Variants in COPB1 observed in about 807,000 individuals in gnomAD.
COPB1 encodes the protein coatomer subunit beta.
COPB1 carries 21 observed loss-of-function variants against 108.7 expected under a neutral mutation model. The observed-to-expected ratio is 0.19, with a 90% CI of 0.14 to 0.28. COPB1 has a LOEUF of 0.28. Among genes scored for constraint, COPB1 ranks in the 10% least tolerant of loss-of-function variants. The probability of loss-of-function intolerance (pLI) is 1.00; values close to 1 mark genes in which losing one functional copy is unlikely to be tolerated. For missense variants in COPB1, 919 were observed against 1,141.3 expected (o/e 0.81, Z 2.81); for synonymous variants, 378 against 386.8 (o/e 0.98, Z 0.27).
chr11:14,461,270 G>T lies in COPB1; in HGVS notation c.2472C>A (p.Ile824=). Residue 824 remains isoleucine, a synonymous_variant, in exon 19 of 22, where the codon ATC becomes ATA. Transcript: ENST00000439561. ...RNCVVLSDIH[I]DIMDYIQPAT... ...CAGGCTGGATATAGTCCATGATGTC[G>T]ATGTGAATATCACTGAGAACCACAC... The T allele has an allele frequency of 6.2e-7, 1 of 1,614,130 alleles. No individual in the cohort carries two copies.
At chr11:14,481,791 CTCTTT>C (rs1432381320) in intron 8 of COPB1, among the ~76,000 whole-genome samples, 2 of 152,042 alleles carry the variant, frequency 1.3e-5, no homozygotes, top group East Asian at 1.9e-4. Flanking sequence ...CCCACATTTG[CTCTTT>C]TCTTTTTTTT....
Position 14,469,673 on chromosome 11 carries a change from T to C in COPB1, c.1738-110A>G, listed in dbSNP as rs1263341211. The C allele has an allele frequency of 7.4e-6, 7 of 941,978 alleles. No homozygotes were observed. In the East Asian group the frequency reaches 1.6e-4, roughly 21 times the overall value. 58.4% of individuals were successfully genotyped at this position (941,978 alleles called of 1,614,324 possible). On this transcript the variant is annotated intron_variant, in intron 14 of 21. Coordinates refer to ENST00000439561, the MANE Select transcript of COPB1 (RefSeq NM_001144061.2). ...ATTTTCACTTCACCTGAATAAGATT[T>C]CAAATTCTTTGGATTTTATGTCCAT...
At chr11:14,489,906 TG>T (rs1850857810) in intron 5 of COPB1, among the ~76,000 whole-genome samples, 1 of 152,192 alleles carries the variant, frequency 6.6e-6, no homozygotes, top group Non-Finnish European at 1.5e-5. Flanking sequence ...TTTAAATAAC[TG>T]GGGGACAATC....
chr11:14,461,560 G>A (rs967524622), intron 18 of COPB1, among the ~76,000 whole-genome samples: 13 of 152,168 alleles, frequency 8.5e-5, no homozygotes, highest in African/African-American at 3.1e-4. Flanking sequence ...GGAAATGAAA[G>A]CAGAGAAGTT....
intron 19 of COPB1, among the ~76,000 whole-genome samples, chr11:14,460,835 C>T (rs1246854007): frequency 6.6e-6 from 1 of 152,052 alleles, no homozygotes; most frequent in African/African-American, 2.4e-5. Context: ...AAAGTCAAGG[C>T]TCAAAGGGAC....
intron 16 of COPB1, 145 bp from the exon 17 acceptor site, chr11:14,466,571 T>G: frequency 4.0e-6 from 3 of 744,524 alleles, no homozygotes. Context: ...TGTTTTATAA[T>G]GCAGAAATGG....
chr11:14,492,568 C>T (rs188764409), intron 4 of COPB1, among the ~76,000 whole-genome samples: 257 of 151,962 alleles, frequency 1.7e-3, no homozygotes, highest in Middle Eastern at 0.01. Context: ...GTCTCGAACT[C>T]CCGACCTCAG....
At chr11:14,481,356 T>C (rs1381621693) in intron 8 of COPB1, among the ~76,000 whole-genome samples, 2 of 152,184 alleles carry the variant, frequency 1.3e-5, no homozygotes, top group African/African-American at 2.4e-5. Flanking sequence ...TTACAGTTTA[T>C]AGAAAGTAAC....
chr11:14,470,899 TACAC>T (rs56957263), intron 14 of COPB1, among the ~76,000 whole-genome samples: 3,007 of 134,756 alleles, frequency 0.022, 54 homozygotes, highest in Middle Eastern at 0.045. Context: ...GTGGAAGAAA[TACAC>T]ACACACACAC....
At chr11:14,470,928 ACACACACACACACACACT>A (rs1293523409) in intron 14 of COPB1, among the ~76,000 whole-genome samples, 33 of 132,974 alleles carry the variant, frequency 2.5e-4, no homozygotes, top group African/African-American at 9.6e-4. Context: ...ACACACACAC[ACACACACACACACACACT>A]CTCTCTCTCT....
At chr11:14,467,550 A>G (rs1850311411) in intron 16 of COPB1, among the ~76,000 whole-genome samples, 1 of 152,190 alleles carries the variant, frequency 6.6e-6, no homozygotes, top group South Asian at 2.1e-4. Context: ...TATACCCAAA[A>G]GAACTAAAAG....
At chr11:14,496,863 T>C (rs543607197) in intron 2 of COPB1, among the ~76,000 whole-genome samples, 8 of 152,038 alleles carry the variant, frequency 5.3e-5, no homozygotes, top group Non-Finnish European at 8.8e-5. Flanking sequence ...TAAAGACCCA[T>C]GGAAAATAAC....
intron 11 of COPB1, 103 bp downstream of exon 11, chr11:14,479,466 C>T: frequency 4.4e-6 from 5 of 1,133,982 alleles, no homozygotes; most frequent in South Asian, 4.1e-5. Context: ...CTTATTTTGG[C>T]TTGATTGTCC....
intron 4 of COPB1, among the ~76,000 whole-genome samples, 186 bp downstream of exon 4, chr11:14,493,456 G>A (rs1850953850): frequency 6.6e-6 from 1 of 152,192 alleles, no homozygotes. Flanking sequence ...ATGTTGTCTT[G>A]TGGAAGCTAG....
intron 18 of COPB1, 142 bp downstream of exon 18, chr11:14,464,769 T>C (rs1850243604): frequency 2.2e-6 from 2 of 891,264 alleles, no homozygotes; most frequent in Admixed American, 2.9e-5. Flanking sequence ...CATAGTTCAA[T>C]GCGTGGTACC....
intron 14 of COPB1, among the ~76,000 whole-genome samples, chr11:14,473,743 A>C (rs1004232726): frequency 3.9e-5 from 6 of 152,166 alleles, no homozygotes; most frequent in Admixed American, 6.5e-5. Context: ...GAATTACCAA[A>C]ATGTAACACA....
chr11:14,499,057 C>T (rs866338625), intron 1 of COPB1, 72 bp from the exon 2 acceptor site: 1 of 709,222 alleles, frequency 1.4e-6, no homozygotes, highest in African/African-American at 1.9e-5. Context: ...CCTATAGTGA[C>T]CTTTTAAAGT....
Position 14,460,226 on chromosome 11 carries a change from T to C in COPB1, c.2628A>G (p.Lys876=). The change falls in exon 20 of 22, where the codon AAA becomes AAG. Residue 876 remains lysine (K), a synonymous_variant. Coordinates refer to ENST00000439561, the MANE Select transcript of COPB1 (RefSeq NM_001144061.2). The part of the protein sequence containing the change: ...LQHILKSTNM[K]CLTPEKALSG... The stretch of plus-strand genomic sequence containing the variant: ...ATTTTACCTTTTCTGGAGTCAGGCA[T>C]TTCATATTGGTTGACTTTAATATGT... 1.2e-6 allele frequency: 2 copies of C among 1,609,176 alleles called. No homozygotes were observed. Among genetic ancestry groups the C allele is most frequent in the Non-Finnish European group, 1.7e-6 (2 of 1,176,114 alleles).
At chr11:14,471,339 A>G (rs1396839625) in intron 14 of COPB1, among the ~76,000 whole-genome samples, 3 of 152,230 alleles carry the variant, frequency 2.0e-5, no homozygotes, top group African/African-American at 7.2e-5. Flanking sequence ...GTATGTTACA[A>G]GAAACTGGCT....
Sources: gnomAD v4.1 joint callset for allele counts (sites outside exome capture counted in the v4.1 genomes callset) on GRCh38, gnomAD v4.1.1 for gene constraint, MANE v1.5 for transcripts, NCBI Gene and HGNC (gene_info 2026-07-23, HGNC 2026-07-21) for gene names.